Variants in PEX5L observed in about 807,000 individuals in gnomAD.
PEX5L encodes the protein PEX5-related protein.
A neutral mutation model predicts 84.0 loss-of-function variants in PEX5L; 30 were observed. The observed-to-expected ratio is 0.36, with a 90% confidence interval of 0.27 to 0.48. The LOEUF is 0.48. Ranked by LOEUF, PEX5L falls within the 20% of genes least tolerant of loss-of-function variation. The pLI is 0.99. For synonymous variants in PEX5L, 270 were observed against 283.1 expected, an observed-to-expected ratio of 0.95 and a Z score of 0.46; for missense variants, 533 against 754.6, an observed-to-expected ratio of 0.71 and a Z score of 3.44.
At chr3:179,869,203 C>T (rs911129937) in intron 7 of PEX5L, among the ~76,000 whole-genome samples, 1 of 152,168 alleles carries the variant, frequency 6.6e-6, no homozygotes, top group African/African-American at 2.4e-5. Context: ...TGTCTTGGAG[C>T]TCCCCTTCCA....
rs766485416 is a variant in PEX5L, at chr3:179,880,060, G to A, written c.374C>T (p.Ala125Val). The part of the protein sequence containing the change: ...SEPVSQTQTK[A>V]KKSEPSSKTS... Reference sequence around the variant, plus strand: ...TTTTGATGAGGGCTCTGACTTCTTGGCTTTGGTTTGGGTTTGAGAGACTGG... The same window carrying A: ...TTTTGATGAGGGCTCTGACTTCTTGACTTTGGTTTGGGTTTGAGAGACTGG... Residue 125 changes from alanine (A) to valine (V), a missense_variant, in exon 5 of 15, where the codon GCC (alanine) becomes GTC (valine). Around this residue, in one of 8 missense-constraint regions of PEX5L, gnomAD observed 259 missense variants for 301.7 expected, o/e 0.86. Coordinates refer to ENST00000467460, the MANE Select transcript of PEX5L (RefSeq NM_016559.3). 8 of 1,613,896 alleles carry A rather than the reference G, an allele frequency of 5.0e-6. No individual in the cohort carries two copies. The highest frequency in any genetic ancestry group is 3.4e-6 in the Non-Finnish European group (4 of 1,179,918).
chr3:179,981,895 T>C (rs1387823876), intron 1 of PEX5L, among the ~76,000 whole-genome samples: 1 of 152,230 alleles, frequency 6.6e-6, no homozygotes, highest in East Asian at 1.9e-4. Context: ...TTGTGTTTTT[T>C]TGGACAGCAA....
chr3:179,812,601 T>C (rs1724318602), intron 10 of PEX5L, among the ~76,000 whole-genome samples: 1 of 152,120 alleles, frequency 6.6e-6, no homozygotes, highest in African/African-American at 2.4e-5. Context: ...TGTTTGCTAT[T>C]GTAAATAATA....
intron 1 of PEX5L, among the ~76,000 whole-genome samples, chr3:180,029,782 T>C (rs1337912899): frequency 6.6e-6 from 1 of 152,212 alleles, no homozygotes; most frequent in African/African-American, 2.4e-5. Flanking sequence ...GGTCTGGAGT[T>C]GGACTTGAGA....
At chr3:180,021,252 G>A (rs1485243386) in intron 1 of PEX5L, among the ~76,000 whole-genome samples, 1 of 152,274 alleles carries the variant, frequency 6.6e-6, no homozygotes, top group East Asian at 1.9e-4. Flanking sequence ...CCAATTTGGG[G>A]ACATGTTCAA....
At chr3:180,005,642 T>C (rs1788818168) in intron 1 of PEX5L, among the ~76,000 whole-genome samples, 1 of 151,818 alleles carries the variant, frequency 6.6e-6, no homozygotes, top group African/African-American at 2.4e-5. Context: ...GGCAGGAGAA[T>C]GGTGTGAACA....
chr3:179,959,236 TCTC>T (rs1781415360), intron 2 of PEX5L, among the ~76,000 whole-genome samples: 1 of 152,066 alleles, frequency 6.6e-6, no homozygotes, highest in African/African-American at 2.4e-5. Flanking sequence ...AAAGCCCACG[TCTC>T]CTCCTGGGAA....
At chr3:179,832,226 G>A (rs775562715) in intron 8 of PEX5L, among the ~76,000 whole-genome samples, 33 of 152,060 alleles carry the variant, frequency 2.2e-4, no homozygotes, top group Admixed American at 4.6e-4. Context: ...TGGGGTTGGG[G>A]GAGAGCTACA....
chr3:179,847,969 ATTT>A (rs74271170), intron 8 of PEX5L, among the ~76,000 whole-genome samples: 1 of 144,182 alleles, frequency 6.9e-6, no homozygotes, highest in African/African-American at 2.6e-5. Context: ...ACGTTTGGGT[ATTT>A]TTTTTTTTTT....
At chr3:179,899,591 A>G (rs1443260508) in intron 2 of PEX5L, among the ~76,000 whole-genome samples, 4 of 152,170 alleles carry the variant, frequency 2.6e-5, no homozygotes, top group Non-Finnish European at 4.4e-5. Context: ...GGTTTACTCT[A>G]GGGATCAAAA....
rs1231661397 is a variant in PEX5L, at chr3:179,981,227, A to C, written c.22-9562T>G. Among the ~76,000 whole-genome samples, 3 of 152,252 alleles carry C rather than the reference A, an allele frequency of 2.0e-5. No individual in the cohort carries two copies. The South Asian group carries it at 6.2e-4, about 32-fold the overall frequency. On this transcript the variant is annotated intron_variant, in intron 1 of 14. Transcript: ENST00000467460. ...CAGACGAGGCTGGAGAGGAAGGCCA[A>C]GTCTTGAAAATCACATTAAGGTGTT... is the stretch of plus-strand genomic sequence containing the variant.
At chr3:179,846,142 C>T (rs558608346) in intron 8 of PEX5L, among the ~76,000 whole-genome samples, 1 of 152,138 alleles carries the variant, frequency 6.6e-6, no homozygotes, top group South Asian at 2.1e-4. Context: ...TGCACTCCAG[C>T]CTGGGTGACA....
rs769207198 is a variant in PEX5L, at chr3:179,797,676, CT to C, written c.*4151del. On this transcript the variant is annotated 3_prime_UTR_variant, in exon 15 of 15. Coordinates refer to ENST00000467460, the MANE Select transcript of PEX5L (RefSeq NM_016559.3). ...AGTTTAATTTCAACCAGTTCTATAA[CT>C]ATTGAGATGATGATAGGGAAACTGC... The C allele has an allele frequency of 6.9e-6, 1 of 145,876 alleles. No homozygotes were observed. Among genetic ancestry groups the C allele is most frequent in the Non-Finnish European group, 1.5e-5 (1 of 67,058 alleles). 9.0% of individuals were successfully genotyped at this position (145,876 alleles called of 1,614,324 possible).
chr3:180,008,110 T>C (rs1221357935), intron 1 of PEX5L, among the ~76,000 whole-genome samples: 1 of 152,240 alleles, frequency 6.6e-6, no homozygotes, highest in African/African-American at 2.4e-5. Context: ...CTTATAAAAC[T>C]TGATGACTTT....
intron 1 of PEX5L, among the ~76,000 whole-genome samples, chr3:179,996,098 C>A (rs1313953371): frequency 1.3e-5 from 2 of 152,120 alleles, no homozygotes; most frequent in African/African-American, 4.8e-5. Flanking sequence ...GAGGTAGTTG[C>A]CAAGCAAGAT....
At chr3:179,853,811 AT>A (rs1162328774) in intron 8 of PEX5L, among the ~76,000 whole-genome samples, 1 of 141,058 alleles carries the variant, frequency 7.1e-6, no homozygotes, top group Non-Finnish European at 1.6e-5. Flanking sequence ...TCTTCTTCTT[AT>A]TCTTCTTCTT....
intron 7 of PEX5L, among the ~76,000 whole-genome samples, chr3:179,868,882 G>A (rs1208128094): frequency 6.6e-6 from 1 of 151,254 alleles, no homozygotes; most frequent in Non-Finnish European, 1.5e-5. Context: ...GTACCTCACT[G>A]GGGGGTTGGG....
At chr3:179,812,949 T>C (rs1417144957) in intron 10 of PEX5L, among the ~76,000 whole-genome samples, 46 of 152,070 alleles carry the variant, frequency 3.0e-4, no homozygotes, top group Admixed American at 3.0e-3. Flanking sequence ...AGCACAGTTA[T>C]CTTAAAGTGC....
chr3:179,880,475 G>A (rs1340565229), intron 4 of PEX5L, among the ~76,000 whole-genome samples: 1 of 152,208 alleles, frequency 6.6e-6, no homozygotes, highest in Non-Finnish European at 1.5e-5. Flanking sequence ...ATTTCCCAGA[G>A]AGGAGTCAAT....
Sources: allele counts gnomAD v4.1 joint callset (sites outside exome capture counted in the v4.1 genomes callset), GRCh38; gene constraint gnomAD v4.1.1; regional missense constraint gnomAD v4.1.1; transcripts MANE v1.5; gene names NCBI Gene and HGNC (gene_info 2026-07-23, HGNC 2026-07-21).